CHCHD6: variants seen among roughly 807,000 people sequenced by gnomAD.
CHCHD6 encodes the protein MICOS complex subunit MIC25.
A neutral mutation model predicts 32.3 loss-of-function variants in CHCHD6; 28 were observed. The observed-to-expected ratio is 0.87, with a 90% CI of 0.64 to 1.19. The LOEUF is 1.19. Ranked by LOEUF, CHCHD6 falls within the 50% of genes most tolerant of loss-of-function variation. The pLI is 0.00. For synonymous variants in CHCHD6, 122 were observed against 117.5 expected (o/e 1.04, Z -0.25); for missense variants, 333 against 307.0 (o/e 1.08, Z -0.63).
At chr3:126,872,450 A>G (rs994719684) in intron 5 of CHCHD6, among the ~76,000 whole-genome samples, 2 of 152,182 alleles carry the variant, frequency 1.3e-5, no homozygotes, top group Non-Finnish European at 1.5e-5. Context: ...GTGCTCGGTA[A>G]AAAGATTTCC....
chr3:126,860,235 A>C (rs1000437391), intron 5 of CHCHD6, among the ~76,000 whole-genome samples: 1 of 152,302 alleles, frequency 6.6e-6, no homozygotes, highest in South Asian at 2.1e-4. Context: ...ACAATACAGC[A>C]GGAAAGCTTC....
At position 126,774,635 on chromosome 3, in the gene CHCHD6, G is replaced by A. The variant is rs564277640; in HGVS notation, c.411+41413G>A. 2.8e-3 allele frequency among the ~76,000 whole-genome samples: 427 copies of A among 152,254 alleles called. 6 individuals are homozygous for A. The highest frequency in any genetic ancestry group is 4.1e-4 in the Non-Finnish European group (28 of 68,014). On this transcript the variant is annotated intron_variant, in intron 4 of 7. Transcript: ENST00000290913. ...GGGAAGGCCTCACCACGCTTGGGTG[G>A]TAGTCAGAGCTCCACCACCCTTGCT... is the stretch of plus-strand genomic sequence containing the variant.
chr3:126,951,628 G>A (rs1357025492), intron 6 of CHCHD6, among the ~76,000 whole-genome samples: 1 of 152,256 alleles, frequency 6.6e-6, no homozygotes, highest in African/African-American at 2.4e-5. Context: ...ACCAAGTGCA[G>A]TGTATTCTGC....
intron 4 of CHCHD6, among the ~76,000 whole-genome samples, chr3:126,833,674 C>A (rs529737868): frequency 6.6e-6 from 1 of 152,244 alleles, no homozygotes; most frequent in South Asian, 2.1e-4. Context: ...ATGATGAGTC[C>A]TTGGAGAATA....
At chr3:126,880,602 G>T (rs2077595313) in intron 5 of CHCHD6, among the ~76,000 whole-genome samples, 1 of 150,878 alleles carries the variant, frequency 6.6e-6, no homozygotes, top group African/African-American at 2.5e-5. Context: ...AGGTATCCAG[G>T]TGATGAATAA....
chr3:126,813,182 T>C (rs1212245248), intron 4 of CHCHD6, among the ~76,000 whole-genome samples: 2 of 152,214 alleles, frequency 1.3e-5, no homozygotes, highest in Non-Finnish European at 2.9e-5. Context: ...CATTTTGCCT[T>C]TTATCGGCCA....
intron 4 of CHCHD6, among the ~76,000 whole-genome samples, chr3:126,795,208 A>G (rs1433587213): frequency 2.0e-5 from 3 of 152,164 alleles, no homozygotes; most frequent in African/African-American, 7.2e-5. Flanking sequence ...AGAGACATGC[A>G]GACCTCAGTG....
intron 5 of CHCHD6, among the ~76,000 whole-genome samples, chr3:126,859,413 AAG>A (rs1180013538): frequency 6.6e-6 from 1 of 152,174 alleles, no homozygotes; most frequent in Admixed American, 6.5e-5. Context: ...CATTAAGAGA[AAG>A]AGAAAATTTA....
At chr3:126,717,759 G>A (rs1211977988) in intron 1 of CHCHD6, among the ~76,000 whole-genome samples, 1 of 142,082 alleles carries the variant, frequency 7.0e-6, no homozygotes, top group Non-Finnish European at 1.5e-5. Context: ...TAAGGTGGAA[G>A]TGCTGAGGGG....
At chr3:126,820,397 A>G (rs188491992) in intron 4 of CHCHD6, among the ~76,000 whole-genome samples, 57 of 152,212 alleles carry the variant, frequency 3.7e-4, no homozygotes, top group South Asian at 8.3e-4. Context: ...TTACTCTCCA[A>G]AGAGAACCGC....
chr3:126,812,575 C>T (rs1939708959), intron 4 of CHCHD6, among the ~76,000 whole-genome samples: 1 of 151,788 alleles, frequency 6.6e-6, no homozygotes, highest in Non-Finnish European at 1.5e-5. Flanking sequence ...CAGGCACCCA[C>T]CACCATACCC....
intron 5 of CHCHD6, among the ~76,000 whole-genome samples, chr3:126,880,101 G>A (rs2077589275): frequency 6.6e-6 from 1 of 152,188 alleles, no homozygotes; most frequent in Admixed American, 6.6e-5. Flanking sequence ...TCTGGTTAGG[G>A]AGATGCCATT....
At chr3:126,719,081 C>T (rs1448432521) in intron 1 of CHCHD6, among the ~76,000 whole-genome samples, 5 of 152,306 alleles carry the variant, frequency 3.3e-5, no homozygotes, top group East Asian at 1.9e-4. Context: ...GTGACCTCCT[C>T]GTGCCCTCAG....
intron 4 of CHCHD6, among the ~76,000 whole-genome samples, chr3:126,805,762 G>T (rs1245742790): frequency 6.6e-6 from 1 of 152,160 alleles, no homozygotes; most frequent in East Asian, 1.9e-4. Context: ...TAAGCCAAAA[G>T]AACAAAGTTG....
intron 1 of CHCHD6, among the ~76,000 whole-genome samples, chr3:126,723,426 T>C (rs1047944596): frequency 6.6e-6 from 1 of 152,224 alleles, no homozygotes; most frequent in Non-Finnish European, 1.5e-5. Flanking sequence ...ATGTGTCTTA[T>C]GTGCATGCAT....
intron 4 of CHCHD6, among the ~76,000 whole-genome samples, chr3:126,799,157 G>A (rs1576429674): frequency 1.3e-5 from 2 of 152,196 alleles, no homozygotes; most frequent in African/African-American, 4.8e-5. Context: ...TTGTCCTCTC[G>A]GAATCTCTAG....
At chr3:126,865,164 ACTTCTTCCTCCTCCT>A (rs1942242592) in intron 5 of CHCHD6, among the ~76,000 whole-genome samples, 1 of 91,838 alleles carries the variant, frequency 1.1e-5, no homozygotes. Context: ...CACCACCTCC[ACTTCTTCCTCCTCCT>A]CCTCCACTAC....
chr3:126,871,651 G>A (rs1054414277), intron 5 of CHCHD6, among the ~76,000 whole-genome samples: 1 of 144,436 alleles, frequency 6.9e-6, no homozygotes, highest in Admixed American at 6.9e-5. Context: ...TCTTCCCCCC[G>A]ACCCCCCAAC....
chr3:126,746,867 C>G (rs1936525912), intron 4 of CHCHD6, among the ~76,000 whole-genome samples: 1 of 152,180 alleles, frequency 6.6e-6, no homozygotes, highest in African/African-American at 2.4e-5. Flanking sequence ...AATCTTCACT[C>G]TGGAGGAGTG....
Sources: allele counts gnomAD v4.1 joint callset (sites outside exome capture counted in the v4.1 genomes callset), GRCh38; gene constraint gnomAD v4.1.1; transcripts MANE v1.5; gene names NCBI Gene and HGNC (gene_info 2026-07-23, HGNC 2026-07-21).